Variants in MARCHF3 observed in about 807,000 individuals in gnomAD.
MARCHF3 encodes membrane associated ring-CH-type finger 3.
In MARCHF3, 13 loss-of-function variants were observed where a neutral mutation model predicts 24.2. The observed-to-expected ratio is 0.54, with a 90% CI of 0.35 to 0.85. MARCHF3 has a LOEUF of 0.85. MARCHF3 is among the 40% of genes least tolerant of loss of function. MARCHF3 has a pLI of 0.01. For synonymous variants in MARCHF3, 144 were observed against 137.3 expected (o/e 1.05, Z -0.34); for missense variants, 276 against 325.0 (o/e 0.85, Z 1.16).
At chr5:126,884,133 G>T (rs572702217) in intron 3 of MARCHF3, among the ~76,000 whole-genome samples, 9 of 152,326 alleles carry the variant, frequency 5.9e-5, no homozygotes, top group Admixed American at 1.3e-4. Flanking sequence ...GGAATGTGAG[G>T]GGGGCAGTGT....
intron 2 of MARCHF3, among the ~76,000 whole-genome samples, chr5:126,915,545 A>T (rs573743433): frequency 9.2e-5 from 14 of 152,366 alleles, no homozygotes; most frequent in African/African-American, 3.4e-4. Flanking sequence ...ATGTTTGCAT[A>T]TCCAGAGGTT....
chr5:126,974,177 G>A (rs113010215), intron 1 of MARCHF3, among the ~76,000 whole-genome samples: 7,812 of 152,088 alleles, frequency 0.051, 372 homozygotes, highest in South Asian at 0.13. Flanking sequence ...GATTACAGGC[G>A]TGAGCCACCG....
At chr5:127,016,619 G>A (rs910337308) in intron 1 of MARCHF3, among the ~76,000 whole-genome samples, 3 of 152,180 alleles carry the variant, frequency 2.0e-5, no homozygotes, top group African/African-American at 7.2e-5. Context: ...ACAGATGCTG[G>A]AGAGGATGTG....
chr5:127,026,971 T>C (rs574490580), intron 1 of MARCHF3, among the ~76,000 whole-genome samples: 38 of 152,356 alleles, frequency 2.5e-4, no homozygotes, highest in Non-Finnish European at 4.3e-4. Flanking sequence ...TTTTAGCTAC[T>C]TGGATGGTAG....
chr5:126,878,432 G>A (rs1753242579), intron 3 of MARCHF3, 38 bp from the exon 4 acceptor site: 1 of 1,573,680 alleles, frequency 6.4e-7, no homozygotes, highest in Non-Finnish European at 8.6e-7. Context: ...GCAAGGGAGA[G>A]GGTTAAATGC....
intron 1 of MARCHF3, among the ~76,000 whole-genome samples, chr5:127,008,374 G>A (rs1376878921): frequency 2.0e-5 from 3 of 152,204 alleles, no homozygotes; most frequent in Admixed American, 6.5e-5. Context: ...TTCACTGAGA[G>A]ACGAATCAAG....
At chr5:126,902,765 C>A (rs1418216370) in intron 3 of MARCHF3, among the ~76,000 whole-genome samples, 2 of 152,058 alleles carry the variant, frequency 1.3e-5, no homozygotes, top group Non-Finnish European at 2.9e-5. Context: ...GTCAAATTTG[C>A]CACCAAAACA....
chr5:126,880,529 G>A (rs1000343652), intron 3 of MARCHF3, among the ~76,000 whole-genome samples: 1 of 152,128 alleles, frequency 6.6e-6, no homozygotes, highest in African/African-American at 2.4e-5. Flanking sequence ...CCTGAGTACT[G>A]GGAATATCAC....
intron 1 of MARCHF3, among the ~76,000 whole-genome samples, chr5:126,932,345 G>A (rs1489226916): frequency 2.0e-5 from 3 of 152,220 alleles, no homozygotes; most frequent in Admixed American, 6.5e-5. Flanking sequence ...AGGAGAAGGT[G>A]ACTTCCTCGC....
intron 1 of MARCHF3, among the ~76,000 whole-genome samples, chr5:127,006,999 A>G (rs184081642): frequency 6.6e-6 from 1 of 151,118 alleles, no homozygotes; most frequent in African/African-American, 2.4e-5. Flanking sequence ...TTTTTTTTTT[A>G]AATTTTTCAT....
chr5:126,924,003 C>T (rs113682474), intron 1 of MARCHF3, among the ~76,000 whole-genome samples: 2,074 of 151,960 alleles, frequency 0.014, 56 homozygotes, highest in African/African-American at 0.048. Flanking sequence ...GGTGCAGGGT[C>T]CAGCCATCTC....
intron 1 of MARCHF3, among the ~76,000 whole-genome samples, chr5:126,992,866 G>T (rs1207074356): frequency 6.7e-6 from 1 of 150,320 alleles, no homozygotes; most frequent in Non-Finnish European, 1.5e-5. Context: ...CCGCCTTCCG[G>T]GTTCACGCCA....
At chr5:126,962,497 A>G (rs1232105058) in intron 1 of MARCHF3, among the ~76,000 whole-genome samples, 1 of 151,914 alleles carries the variant, frequency 6.6e-6, no homozygotes, top group Non-Finnish European at 1.5e-5. Flanking sequence ...ACAAAATACA[A>G]AATGTTCCAA....
chr5:126,902,374 T>G (rs929859909), intron 3 of MARCHF3, among the ~76,000 whole-genome samples: 3 of 152,172 alleles, frequency 2.0e-5, no homozygotes, highest in Non-Finnish European at 2.9e-5. Context: ...TTTGTGTTTC[T>G]GCTCACAGAA....
intron 1 of MARCHF3, among the ~76,000 whole-genome samples, chr5:127,006,161 C>T (rs1332848695): frequency 6.7e-6 from 1 of 150,288 alleles, no homozygotes; most frequent in East Asian, 1.9e-4. Context: ...CGAGATCGCA[C>T]CACTGGACTC....
At chr5:126,961,800 G>A (rs1392999993) in intron 1 of MARCHF3, among the ~76,000 whole-genome samples, 1 of 152,120 alleles carries the variant, frequency 6.6e-6, no homozygotes, top group African/African-American at 2.4e-5. Context: ...TATGCATGGG[G>A]CAACCGGCCC....
At chr5:126,935,258 G>A (rs1580659370) in intron 1 of MARCHF3, among the ~76,000 whole-genome samples, 2 of 152,294 alleles carry the variant, frequency 1.3e-5, no homozygotes, top group East Asian at 3.9e-4. Context: ...TGAGCAAACA[G>A]TTTGCCCTCC....
intron 4 of MARCHF3, among the ~76,000 whole-genome samples, chr5:126,873,244 T>G (rs536797601): frequency 1.3e-5 from 2 of 152,232 alleles, no homozygotes; most frequent in South Asian, 4.1e-4. Context: ...AAGCTTCAGT[T>G]TCCTTGTTTG....
chr5:126,913,233 C>G (rs1754601566), intron 3 of MARCHF3, among the ~76,000 whole-genome samples: 1 of 152,216 alleles, frequency 6.6e-6, no homozygotes, highest in Non-Finnish European at 1.5e-5. Flanking sequence ...TGCACATACA[C>G]TGGGATTTTT....
Sources: gnomAD v4.1 joint callset for allele counts (sites outside exome capture counted in the v4.1 genomes callset) on GRCh38, gnomAD v4.1.1 for gene constraint, MANE v1.5 for transcripts, NCBI Gene and HGNC (gene_info 2026-07-23, HGNC 2026-07-21) for gene names.